Variants in RPS6KC1 observed in about 807,000 individuals in gnomAD.
RPS6KC1 encodes the protein inactive ribosomal protein S6 kinase delta-1.
RPS6KC1 carries 54 observed loss-of-function variants against 103.8 expected under a neutral mutation model. The observed-to-expected ratio is 0.52, with a 90% CI of 0.42 to 0.65. The LOEUF (loss-of-function observed/expected upper bound fraction) is 0.65. Among genes scored for constraint, RPS6KC1 ranks in the 30% least tolerant of loss-of-function variants. RPS6KC1 has a pLI of 0.00. For synonymous variants in RPS6KC1, 439 were observed against 438.7 expected (o/e 1.00, Z -0.01); for missense variants, 1,151 against 1,253.8 (o/e 0.92, Z 1.24).
the RPS6KC1 span, among the ~76,000 whole-genome samples, chr1:213,348,647 A>G: frequency 6.6e-6 from 1 of 152,198 alleles, no homozygotes. Flanking sequence ...ATAAATTCCC[A>G]TACTCTTTAA....
chr1:213,599,303 G>A, the RPS6KC1 span, among the ~76,000 whole-genome samples: 8 of 152,062 alleles, frequency 5.3e-5, no homozygotes, highest in South Asian at 2.1e-4. Flanking sequence ...CCTGTTGAGG[G>A]GGTCTCTGTT....
At chr1:213,762,434 T>C in the RPS6KC1 span, among the ~76,000 whole-genome samples, 55 of 152,298 alleles carry the variant, frequency 3.6e-4, no homozygotes, top group African/African-American at 1.3e-3. Flanking sequence ...TGTTGTTGAA[T>C]GAATGAATGA....
Position 213,129,845 on chromosome 1 carries a change from A to T in RPS6KC1, c.791A>T (p.Asp264Val). The T allele has an allele frequency of 6.2e-7, 1 of 1,610,056 alleles. No individual in the cohort carries two copies. The highest frequency in any genetic ancestry group is 8.5e-7 in the Non-Finnish European group (1 of 1,179,088). Residue 264 changes from aspartate (D) to valine (V), a missense_variant, in exon 6 of 15, where the codon GAT becomes GTT. Transcript: ENST00000366960. ...GAAGACGACTATGAAGCTGCTTCTG[A>T]TTTTTATAGGAAGGGAGTTGATTTA... is the stretch of plus-strand genomic sequence containing the variant. ...EEEDDYEAAS[D>V]FYRKGVDLLL... is the part of the protein sequence containing the mutation.
intron 6 of RPS6KC1, among the ~76,000 whole-genome samples, chr1:213,166,961 C>G (rs1558461359): frequency 1.3e-5 from 2 of 151,998 alleles, no homozygotes; most frequent in Non-Finnish European, 2.9e-5. Context: ...TAAGTTCGTT[C>G]TTTCACATTG....
chr1:213,642,287 A>T, the RPS6KC1 span, among the ~76,000 whole-genome samples: 2 of 152,122 alleles, frequency 1.3e-5, no homozygotes, highest in African/African-American at 4.8e-5. Context: ...AGTGGGCCAG[A>T]CATTCTGTCC....
the RPS6KC1 span, among the ~76,000 whole-genome samples, chr1:213,335,016 GA>G: frequency 1.3e-5 from 2 of 152,150 alleles, no homozygotes; most frequent in Non-Finnish European, 2.9e-5. Context: ...TGATGTTAAG[GA>G]TTAAATCAAA....
At chr1:213,146,840 T>A (rs1442080912) in intron 6 of RPS6KC1, among the ~76,000 whole-genome samples, 3 of 152,180 alleles carry the variant, frequency 2.0e-5, no homozygotes, top group Non-Finnish European at 4.4e-5. Flanking sequence ...TCCCTTTTCT[T>A]CACATCCTCA....
chr1:213,394,420 C>G, the RPS6KC1 span, among the ~76,000 whole-genome samples: 1 of 152,096 alleles, frequency 6.6e-6, no homozygotes, highest in African/African-American at 2.4e-5. Context: ...TGAATGCACC[C>G]CTCACACCCC....
the RPS6KC1 span, among the ~76,000 whole-genome samples, chr1:213,590,595 C>A: frequency 6.6e-6 from 1 of 152,078 alleles, no homozygotes; most frequent in Non-Finnish European, 1.5e-5. Context: ...TCTGAGATGT[C>A]CTGAGTTGGG....
At chr1:213,218,713 G>A (rs1460020726) in intron 8 of RPS6KC1, among the ~76,000 whole-genome samples, 2 of 152,098 alleles carry the variant, frequency 1.3e-5, no homozygotes, top group Non-Finnish European at 2.9e-5. Context: ...CAGAAATAAC[G>A]CCGCATATCT....
At chr1:213,669,439 T>A in the RPS6KC1 span, among the ~76,000 whole-genome samples, 53 of 152,294 alleles carry the variant, frequency 3.5e-4, no homozygotes, top group African/African-American at 1.2e-3. Context: ...GTACAGTTTG[T>A]GGTGTCCCAA....
chr1:213,417,640 A>T, the RPS6KC1 span, among the ~76,000 whole-genome samples: 3 of 150,538 alleles, frequency 2.0e-5, no homozygotes, highest in Non-Finnish European at 4.4e-5. Context: ...GGGGTCGGGG[A>T]TGGGGGAGAC....
chr1:213,115,185 G>C (rs1336769631), intron 4 of RPS6KC1, among the ~76,000 whole-genome samples: 1 of 152,068 alleles, frequency 6.6e-6, no homozygotes, highest in African/African-American at 2.4e-5. Context: ...TCTGGTCCTG[G>C]ACTCTTTTTG....
chr1:213,138,023 C>A, intron 6 of RPS6KC1, among the ~76,000 whole-genome samples: 1 of 151,200 alleles, frequency 6.6e-6, no homozygotes. Context: ...TTTATTTGTG[C>A]TCTTGATTTT....
chr1:213,111,533 A>C (rs1331639902), intron 4 of RPS6KC1, among the ~76,000 whole-genome samples: 3 of 152,162 alleles, frequency 2.0e-5, no homozygotes, highest in Non-Finnish European at 4.4e-5. Flanking sequence ...TAGGTAAATA[A>C]AATATTTAGG....
intron 5 of RPS6KC1, among the ~76,000 whole-genome samples, chr1:213,119,651 C>T (rs1488605737): frequency 2.6e-5 from 4 of 151,370 alleles, no homozygotes; most frequent in Non-Finnish European, 4.4e-5. Context: ...GGGAGTCAAC[C>T]ATGGTGAAAG....
the RPS6KC1 span, among the ~76,000 whole-genome samples, chr1:213,706,478 T>G: frequency 2.0e-5 from 3 of 152,226 alleles, no homozygotes; most frequent in African/African-American, 7.2e-5. Context: ...AAGACTGTTT[T>G]TCCTACCTAT....
the RPS6KC1 span, among the ~76,000 whole-genome samples, chr1:213,599,528 G>A: frequency 2.6e-5 from 4 of 152,250 alleles, no homozygotes; most frequent in South Asian, 2.1e-4. Context: ...ACAGTGGGGG[G>A]AAAATAATGG....
the RPS6KC1 span, among the ~76,000 whole-genome samples, chr1:213,533,461 C>A: frequency 1.3e-5 from 2 of 152,064 alleles, no homozygotes; most frequent in African/African-American, 4.8e-5. Context: ...GTGATCTAGG[C>A]CATTCCTGTC....
Sources: allele counts gnomAD v4.1 joint callset (sites outside exome capture counted in the v4.1 genomes callset), GRCh38; gene constraint gnomAD v4.1.1; transcripts MANE v1.5; gene names NCBI Gene and HGNC (gene_info 2026-07-23, HGNC 2026-07-21).